PPP6R2: variants seen among roughly 807,000 people sequenced by gnomAD.
The protein encoded by PPP6R2 is protein phosphatase 6 regulatory subunit 2, also known as serine/threonine-protein phosphatase 6 regulatory subunit 2.
In PPP6R2, 62 loss-of-function variants were observed where a neutral mutation model predicts 100.2. The observed-to-expected ratio is 0.62, with a 90% CI of 0.50 to 0.76. PPP6R2 has a LOEUF of 0.76. Ranked by LOEUF, PPP6R2 falls within the 30% of genes least tolerant of loss-of-function variation. The pLI is 0.00. For missense variants in PPP6R2, 1,142 were observed against 1,276.3 expected, an observed-to-expected ratio of 0.89 and a Z score of 1.60; for synonymous variants, 525 against 514.7, an observed-to-expected ratio of 1.02 and a Z score of -0.27.
intron 2 of PPP6R2, among the ~76,000 whole-genome samples, chr22:50,378,017 A>G (rs1490631517): frequency 1.3e-5 from 2 of 152,216 alleles, no homozygotes; most frequent in Admixed American, 6.5e-5. Flanking sequence ...AAAGAAGTCT[A>G]CAGATTTGAG....
chr22:50,338,246 TTG>T, the PPP6R2 span, among the ~76,000 whole-genome samples: 1 of 106,558 alleles, frequency 9.4e-6, no homozygotes, highest in South Asian at 3.1e-4. Flanking sequence ...TGTGGTGTGT[TTG>T]TGTCTATGTG....
At chr22:50,333,568 G>A in the PPP6R2 span, among the ~76,000 whole-genome samples, 4 of 152,180 alleles carry the variant, frequency 2.6e-5, no homozygotes, top group East Asian at 1.9e-4. Context: ...TCCTGACCTC[G>A]TGATCCGCCC....
Position 50,423,590 on chromosome 22 carries a change from G to T in PPP6R2, c.1101G>T (p.Arg367=). ...NTPSINQELC[R]LNTMDLLLDL... ...CCAGCATCAACCAGGAGCTCTGCCG[G>T]CTCAACACGATGGACTTACTGCTGG... The change falls in exon 10 of 24, where the codon CGG becomes CGT. Residue 367 remains arginine (R), a synonymous_variant. Coordinates refer to ENST00000612753, the MANE Select transcript of PPP6R2 (RefSeq NM_001242898.2). The surrounding 1 kb of genome is among the most constrained non-coding windows in gnomAD (Gnocchi z 4.8). The T allele has an allele frequency of 6.2e-7, 1 of 1,614,150 alleles. No homozygotes were observed. Among genetic ancestry groups the T allele is most frequent in the East Asian group, 2.2e-5 (1 of 44,878 alleles).
chr22:50,361,351 A>G (rs975719952), intron 1 of PPP6R2, among the ~76,000 whole-genome samples: 1 of 152,200 alleles, frequency 6.6e-6, no homozygotes, highest in Non-Finnish European at 1.5e-5. Flanking sequence ...TGCGCTAGTC[A>G]TGTAATTACT....
At chr22:50,409,369 T>G (rs2059422657) in intron 4 of PPP6R2, among the ~76,000 whole-genome samples, 1 of 152,186 alleles carries the variant, frequency 6.6e-6, no homozygotes, top group South Asian at 2.1e-4. Flanking sequence ...CTTCTATATC[T>G]CTTTATTTGT....
chr22:50,377,760 G>A (rs2051925123), intron 2 of PPP6R2, among the ~76,000 whole-genome samples: 1 of 152,206 alleles, frequency 6.6e-6, no homozygotes, highest in African/African-American at 2.4e-5. Context: ...TGTAATCCCA[G>A]TACTTTGGGA....
intron 10 of PPP6R2, among the ~76,000 whole-genome samples, chr22:50,427,732 G>T (rs541547721): frequency 2.7e-5 from 4 of 147,868 alleles, no homozygotes; most frequent in East Asian, 4.0e-4. Flanking sequence ...GTTTTGTTTT[G>T]TTTTTTTTGA....
In PPP6R2 at chr22:50,419,571, A is replaced by C. The variant is rs189118046; in HGVS notation, c.845+109A>C. 7.2e-5 allele frequency: 56 copies of C among 773,058 alleles called. No homozygotes were observed. The East Asian group carries it at 1.4e-3, about 19-fold the overall frequency. 47.9% of individuals were successfully genotyped at this position (773,058 alleles called of 1,614,324 possible). On this transcript the variant is annotated intron_variant, in intron 8 of 23. Coordinates refer to ENST00000612753, the MANE Select transcript of PPP6R2 (RefSeq NM_001242898.2). The stretch of plus-strand genomic sequence containing the variant: ...TCATTTGTGGTTTTAATTTTTGATT[A>C]TGCAAGTAACAACATGGATAGATTC...
the PPP6R2 span, among the ~76,000 whole-genome samples, chr22:50,331,773 C>T: frequency 2.0e-5 from 3 of 152,270 alleles, no homozygotes; most frequent in South Asian, 6.2e-4. Flanking sequence ...CAGATGCATG[C>T]TACCATTCCT....
At chr22:50,359,695 G>A (rs1602274707) in intron 1 of PPP6R2, among the ~76,000 whole-genome samples, 1 of 152,156 alleles carries the variant, frequency 6.6e-6, no homozygotes, top group East Asian at 1.9e-4. Context: ...GTGGTATGGT[G>A]TAGAATCCTT....
upstream of PPP6R2, among the ~76,000 whole-genome samples, chr22:50,339,267 TG>T (rs1323497197): frequency 1.1e-5 from 1 of 87,878 alleles, no homozygotes; most frequent in African/African-American, 9.1e-5. Context: ...TGTGATTGTG[TG>T]GTGTGTGTAG....
chr22:50,413,669 T>TTCCCCCTCC (rs2060076683), intron 4 of PPP6R2, among the ~76,000 whole-genome samples: 1 of 104,032 alleles, frequency 9.6e-6, no homozygotes. Context: ...CCTCCTCCCC[T>TTCCCCCTCC]ACCCCCTCCT....
At chr22:50,380,112 G>A (rs1425413134) in intron 2 of PPP6R2, among the ~76,000 whole-genome samples, 1 of 152,186 alleles carries the variant, frequency 6.6e-6, no homozygotes, top group East Asian at 1.9e-4. Flanking sequence ...GTTCTGGTAA[G>A]AGTTTCAGGC....
At chr22:50,376,202 C>T (rs1219817448) in intron 2 of PPP6R2, among the ~76,000 whole-genome samples, 2 of 151,910 alleles carry the variant, frequency 1.3e-5, no homozygotes, top group South Asian at 4.2e-4. Context: ...TGCCTGTAAC[C>T]CCAGCATATT....
At chr22:50,374,842 AGATG>A (rs945604906) in intron 2 of PPP6R2, among the ~76,000 whole-genome samples, 2 of 141,754 alleles carry the variant, frequency 1.4e-5, no homozygotes, top group African/African-American at 5.3e-5. Context: ...TGAACGTGGG[AGATG>A]GATGTTGCAG....
intron 1 of PPP6R2, among the ~76,000 whole-genome samples, chr22:50,351,943 A>G (rs920366662): frequency 3.9e-5 from 6 of 152,038 alleles, no homozygotes; most frequent in Non-Finnish European, 8.8e-5. Context: ...ACAGGTGCAC[A>G]CCACCATGCC....
upstream of PPP6R2, among the ~76,000 whole-genome samples, chr22:50,339,122 GT>G (rs1182438777): frequency 1.4e-5 from 2 of 141,124 alleles, no homozygotes; most frequent in Admixed American, 1.5e-4. Context: ...TGTAGTGTGT[GT>G]TATGTAGTGT....
Position 50,372,057 on chromosome 22 carries a change from T to A in PPP6R2, c.-110T>A, listed in dbSNP as rs1010673505. On this transcript the variant is annotated 5_prime_UTR_variant, in exon 2 of 24. Transcript: ENST00000612753. ...TAAATCTTCCACTGAATGAAAAAAATTTTCTTAAAGCTGCATATACTCCAA... is the reference window on the plus strand; with the variant it reads ...TAAATCTTCCACTGAATGAAAAAAAATTTCTTAAAGCTGCATATACTCCAA... 14 of 152,264 alleles carry A rather than the reference T, an allele frequency of 9.2e-5. No homozygotes were observed. Among genetic ancestry groups the A allele is most frequent in the East Asian group, 3.9e-4 (2 of 5,194 alleles). 9.4% of individuals were successfully genotyped at this position (152,264 alleles called of 1,614,324 possible). A position where few individuals can be genotyped will look rare whatever the true frequency, so the allele number is the denominator to read the frequency against.
chr22:50,400,443 C>G (rs2057838287), intron 3 of PPP6R2, among the ~76,000 whole-genome samples: 2 of 152,182 alleles, frequency 1.3e-5, no homozygotes, highest in South Asian at 4.1e-4. Flanking sequence ...GCATTACCCC[C>G]TGGGCTTTGG....
Sources: gnomAD v4.1 joint callset for allele counts (sites outside exome capture counted in the v4.1 genomes callset) on GRCh38, gnomAD v4.1.1 for gene constraint, Gnocchi (gnomAD v3.1) non-coding constraint, MANE v1.5 for transcripts, NCBI Gene and HGNC (gene_info 2026-07-23, HGNC 2026-07-21) for gene names.